Variants in RGPD6 observed in about 807,000 individuals in gnomAD.
RGPD6 encodes the protein RANBP2 like and GRIP domain containing 6.
the RGPD6 span, among the ~76,000 whole-genome samples, chr2:110,601,588 G>T: frequency 6.8e-6 from 1 of 148,054 alleles, no homozygotes; most frequent in South Asian, 2.2e-4. Flanking sequence ...CTACCTTCAC[G>T]CTTGAGGGCA....
chr2:110,601,376 A>C, the RGPD6 span, among the ~76,000 whole-genome samples: 1 of 147,222 alleles, frequency 6.8e-6, no homozygotes, highest in African/African-American at 2.5e-5. Context: ...GCTTCTTGGG[A>C]CCCAACAGAG....
chr2:110,593,590 A>AT, the RGPD6 span, among the ~76,000 whole-genome samples: 4 of 144,066 alleles, frequency 2.8e-5, no homozygotes, highest in African/African-American at 1.1e-4. Flanking sequence ...TTATGAGCAT[A>AT]TTCACTGCAT....
chr2:110,591,699 CCT>C, the RGPD6 span, among the ~76,000 whole-genome samples: 1 of 151,940 alleles, frequency 6.6e-6, no homozygotes, highest in Non-Finnish European at 1.5e-5. Context: ...TCATTTCCTC[CCT>C]GAGGCTCTTT....
the RGPD6 span, among the ~76,000 whole-genome samples, chr2:110,604,576 T>C: frequency 3.3e-5 from 5 of 151,180 alleles, no homozygotes; most frequent in Non-Finnish European, 7.4e-5. Context: ...TGGATTTCAC[T>C]TTGAAATAAA....
At chr2:110,606,633 A>C in the RGPD6 span, among the ~76,000 whole-genome samples, 1 of 133,684 alleles carries the variant, frequency 7.5e-6, no homozygotes, top group African/African-American at 3.0e-5. Flanking sequence ...CATCTTTAAA[A>C]GAGACAGTAT....
At chr2:110,607,339 G>C in the RGPD6 span, among the ~76,000 whole-genome samples, 1 of 151,464 alleles carries the variant, frequency 6.6e-6, no homozygotes, top group East Asian at 1.9e-4. Context: ...ATTGGAAGTG[G>C]AATTAGAGGT....
At chr2:110,591,635 C>T in the RGPD6 span, among the ~76,000 whole-genome samples, 1 of 151,598 alleles carries the variant, frequency 6.6e-6, no homozygotes, top group African/African-American at 2.4e-5. Flanking sequence ...CTAACTGCAC[C>T]CCTGTCCCCA....
the RGPD6 span, among the ~76,000 whole-genome samples, chr2:110,596,456 A>AATGATCTAC: frequency 8.3e-6 from 1 of 120,534 alleles, no homozygotes; most frequent in Non-Finnish European, 1.7e-5. Context: ...GAAACAGCAA[A>AATGATCTAC]ATGATCTACA....
the RGPD6 span, among the ~76,000 whole-genome samples, chr2:110,606,714 T>C: frequency 6.7e-6 from 1 of 148,946 alleles, no homozygotes; most frequent in Non-Finnish European, 1.5e-5. Flanking sequence ...AAGTTTTCTT[T>C]GCCCAAGATG....
At chr2:110,605,108 GTC>G in the RGPD6 span, among the ~76,000 whole-genome samples, 2 of 151,964 alleles carry the variant, frequency 1.3e-5, no homozygotes, top group South Asian at 4.2e-4. Flanking sequence ...GAACTAACCA[GTC>G]TCTCCACCCA....
the RGPD6 span, among the ~76,000 whole-genome samples, chr2:110,604,415 A>G: frequency 6.9e-6 from 1 of 145,718 alleles, no homozygotes; most frequent in Non-Finnish European, 1.5e-5. Context: ...GTCATTTTAT[A>G]AGTGATTAAA....
chr2:110,610,953 G>A, the RGPD6 span: 1 of 763,320 alleles, frequency 1.3e-6, no homozygotes, highest in African/African-American at 2.2e-5. Flanking sequence ...CGGGCCGGCC[G>A]GGCTGGCTGC....
At chr2:110,596,973 G>GTA in the RGPD6 span, among the ~76,000 whole-genome samples, 2 of 115,306 alleles carry the variant, frequency 1.7e-5, no homozygotes, top group African/African-American at 7.5e-5. Flanking sequence ...TATATATTAT[G>GTA]TATATATATA....
chr2:110,605,645 C>T, the RGPD6 span, among the ~76,000 whole-genome samples: 2 of 151,658 alleles, frequency 1.3e-5, no homozygotes, highest in East Asian at 1.9e-4. Context: ...AAGCCGCCCA[C>T]TGGCCTGCGC....
chr2:110,605,541 A>C, the RGPD6 span, among the ~76,000 whole-genome samples: 1 of 151,366 alleles, frequency 6.6e-6, no homozygotes, highest in Non-Finnish European at 1.5e-5. Flanking sequence ...GCTTTACTGC[A>C]GCTGGAGGAA....
At chr2:110,610,596 C>CG in the RGPD6 span, among the ~76,000 whole-genome samples, 1 of 144,698 alleles carries the variant, frequency 6.9e-6, no homozygotes. Flanking sequence ...GCCCCCGACC[C>CG]ACCCCACCCC....
At chr2:110,576,892 C>CCGCCG (rs1491167413) in intron 1 of RGPD6, 61 bp downstream of exon 1, 3 of 547,762 alleles carry the variant, frequency 5.5e-6, no homozygotes, top group South Asian at 6.9e-5. Context: ...GCCGCCGCCG[C>CCGCCG]CCCCCCCCTC....
the RGPD6 span, among the ~76,000 whole-genome samples, chr2:110,603,877 G>T: frequency 6.7e-6 from 1 of 150,152 alleles, no homozygotes; most frequent in Non-Finnish European, 1.5e-5. Flanking sequence ...ATCCCGGGTG[G>T]TAGTTTCCTT....
chr2:110,576,901 T>TCCCC (rs1229787659), intron 1 of RGPD6, 52 bp downstream of exon 1: 1 of 16,334 alleles, frequency 6.1e-5, no homozygotes, highest in Non-Finnish European at 1.2e-4. Flanking sequence ...GCCCCCCCCC[T>TCCCC]CCCCCCCCGG....
Sources: allele counts gnomAD v4.1 joint callset (sites outside exome capture counted in the v4.1 genomes callset), GRCh38; gene constraint gnomAD v4.1.1; transcripts MANE v1.5; gene names NCBI Gene and HGNC (gene_info 2026-07-23, HGNC 2026-07-21).